The following SGCZ variants were observed in gnomAD, a reference collection of about 807,000 sequenced individuals.
SGCZ encodes sarcoglycan zeta, also known as zeta-sarcoglycan.
In SGCZ, 40 loss-of-function variants were observed where a neutral mutation model predicts 41.3. The observed-to-expected ratio is 0.97, with a 90% CI of 0.75 to 1.26. The LOEUF is 1.26. SGCZ is among the 50% of genes most tolerant of loss of function. The pLI is 0.00. For synonymous variants in SGCZ, 206 were observed against 137.5 expected, an observed-to-expected ratio of 1.50 and a Z score of -3.49; for missense variants, 552 against 369.8, an observed-to-expected ratio of 1.49 and a Z score of -4.04.
chr8:14,745,956 AT>A (rs1799328978), intron 1 of SGCZ, among the ~76,000 whole-genome samples: 1 of 152,074 alleles, frequency 6.6e-6, no homozygotes, highest in Non-Finnish European at 1.5e-5. Context: ...ATCAGTTTCA[AT>A]TATTTCTTAG....
intron 1 of SGCZ, among the ~76,000 whole-genome samples, chr8:15,084,852 T>G (rs1805892103): frequency 6.6e-6 from 1 of 152,182 alleles, no homozygotes; most frequent in Non-Finnish European, 1.5e-5. Context: ...TGAGTTTCAC[T>G]TAGCAGAACC....
At chr8:14,617,822 G>C (rs548714720) in intron 1 of SGCZ, among the ~76,000 whole-genome samples, 3 of 149,568 alleles carry the variant, frequency 2.0e-5, no homozygotes, top group South Asian at 4.2e-4. Flanking sequence ...AGATGGAAAA[G>C]TAAGTTTTTA....
intron 1 of SGCZ, among the ~76,000 whole-genome samples, chr8:14,614,393 A>C (rs1806027642): frequency 6.6e-6 from 1 of 152,192 alleles, no homozygotes; most frequent in Non-Finnish European, 1.5e-5. Flanking sequence ...AGAATAAAAA[A>C]ATGTAAACTA....
intron 1 of SGCZ, among the ~76,000 whole-genome samples, chr8:15,184,466 G>C (rs1215712588): frequency 1.3e-5 from 2 of 152,048 alleles, no homozygotes; most frequent in Non-Finnish European, 2.9e-5. Flanking sequence ...GTTGTATCGG[G>C]CATGAGTTTC....
chr8:14,528,836 A>AC (rs1563388597), intron 2 of SGCZ, among the ~76,000 whole-genome samples: 1 of 21,900 alleles, frequency 4.6e-5, no homozygotes, highest in Non-Finnish European at 1.0e-4. Flanking sequence ...CCAAAAAAAA[A>AC]ACAAAACAAA....
chr8:14,252,706 C>T (rs185408903), intron 3 of SGCZ, among the ~76,000 whole-genome samples: 194 of 152,234 alleles, frequency 1.3e-3, no homozygotes, highest in African/African-American at 4.4e-3. Flanking sequence ...TCAAGAGGCT[C>T]AAGGATACAG....
chr8:14,401,631 G>A (rs1799079252), intron 2 of SGCZ, among the ~76,000 whole-genome samples: 2 of 151,490 alleles, frequency 1.3e-5, no homozygotes, highest in African/African-American at 2.4e-5. Context: ...CATTGTTTAT[G>A]GCTGCATAGT....
chr8:14,913,085 GAA>G (rs1799325475), intron 1 of SGCZ, among the ~76,000 whole-genome samples: 1 of 151,566 alleles, frequency 6.6e-6, no homozygotes. Flanking sequence ...TAAATAGAAA[GAA>G]AAAAATTTAA....
intron 1 of SGCZ, among the ~76,000 whole-genome samples, chr8:14,595,869 T>G (rs1805395546): frequency 6.6e-6 from 1 of 152,194 alleles, no homozygotes; most frequent in Non-Finnish European, 1.5e-5. Context: ...CACAGACAAT[T>G]TCCTGGACTC....
chr8:14,228,336 G>T (rs1369279808), intron 4 of SGCZ, among the ~76,000 whole-genome samples: 4 of 151,924 alleles, frequency 2.6e-5, no homozygotes, highest in Non-Finnish European at 5.9e-5. Context: ...GTAGTCATAA[G>T]GTCTAATAAA....
At chr8:14,679,228 T>A (rs1280396891) in intron 1 of SGCZ, among the ~76,000 whole-genome samples, 1 of 152,162 alleles carries the variant, frequency 6.6e-6, no homozygotes, top group African/African-American at 2.4e-5. Flanking sequence ...ATATTTACTA[T>A]ACCATAAATT....
At chr8:14,190,391 A>T (rs1585215797) in intron 4 of SGCZ, among the ~76,000 whole-genome samples, 2 of 151,838 alleles carry the variant, frequency 1.3e-5, no homozygotes, top group East Asian at 1.9e-4. Context: ...GTATATATAT[A>T]TATCAATAAA....
chr8:14,229,544 A>T (rs900108468), intron 4 of SGCZ, among the ~76,000 whole-genome samples: 9 of 152,222 alleles, frequency 5.9e-5, no homozygotes, highest in African/African-American at 2.2e-4. Context: ...TGTAGTATTA[A>T]ACCTAAGTAT....
chr8:14,378,539 G>C (rs1804228461), intron 2 of SGCZ, among the ~76,000 whole-genome samples: 1 of 152,000 alleles, frequency 6.6e-6, no homozygotes, highest in Admixed American at 6.6e-5. Context: ...ATCTGACAAA[G>C]GGCTAATATC....
chr8:14,667,838 G>C (rs186198837), intron 1 of SGCZ, among the ~76,000 whole-genome samples: 1 of 152,120 alleles, frequency 6.6e-6, no homozygotes, highest in African/African-American at 2.4e-5. Context: ...AAAACAATTA[G>C]AATATTATTG....
At chr8:14,248,389 G>T (rs1799178717) in intron 3 of SGCZ, among the ~76,000 whole-genome samples, 1 of 152,176 alleles carries the variant, frequency 6.6e-6, no homozygotes, top group African/African-American at 2.4e-5. Flanking sequence ...TGCGTGTGTA[G>T]AGAGTATCCC....
intron 3 of SGCZ, among the ~76,000 whole-genome samples, chr8:14,250,210 T>C (rs1799238320): frequency 1.3e-5 from 2 of 152,174 alleles, no homozygotes; most frequent in African/African-American, 4.8e-5. Context: ...CAGAACCTTT[T>C]AGATCTGGAG....
intron 1 of SGCZ, among the ~76,000 whole-genome samples, chr8:14,723,374 C>A (rs1809952015): frequency 6.6e-6 from 1 of 152,208 alleles, no homozygotes; most frequent in African/African-American, 2.4e-5. Flanking sequence ...ACTGCCCACT[C>A]TTGCTGTGGA....
At position 14,851,764 on chromosome 8, in the gene SGCZ, TG is replaced by T. The variant is rs765842197; in HGVS notation, c.40-296839del. Among the ~76,000 whole-genome samples, 6 of 152,296 alleles carry T rather than the reference TG, an allele frequency of 3.9e-5. No individual in the cohort carries two copies. In the South Asian group the frequency reaches 8.3e-4, roughly 21 times the overall value. On this transcript the variant is annotated intron_variant, in intron 1 of 7. Transcript: ENST00000382080. ...TATTATCATAGTCTAATGCTGGAGATGTTTGGACTTCAGAGCGAATACTTTC... is the reference window on the plus strand; with the variant it reads ...TATTATCATAGTCTAATGCTGGAGATTTTGGACTTCAGAGCGAATACTTTC...
Sources: gnomAD v4.1 joint callset for allele counts (sites outside exome capture counted in the v4.1 genomes callset) on GRCh38, gnomAD v4.1.1 for gene constraint, MANE v1.5 for transcripts, NCBI Gene and HGNC (gene_info 2026-07-23, HGNC 2026-07-21) for gene names.